PCDHA1: variants seen among roughly 807,000 people sequenced by gnomAD.
PCDHA1 encodes protocadherin alpha-1.
In PCDHA1, 42 loss-of-function variants were observed where a neutral mutation model predicts 61.3. The observed-to-expected ratio is 0.69, with a 90% confidence interval of 0.54 to 0.89. PCDHA1 has a LOEUF of 0.89. Ranked by LOEUF, PCDHA1 falls within the 40% of genes least tolerant of loss-of-function variation. The pLI, the probability that PCDHA1 is intolerant of heterozygous loss-of-function variation, is 0.00. For missense variants in PCDHA1, 1,256 were observed against 1,235.3 expected (o/e 1.02, Z -0.25); for synonymous variants, 610 against 553.8 (o/e 1.10, Z -1.43).
intron 1 of PCDHA1, chr5:140,857,767 C>T: frequency 6.3e-7 from 1 of 1,597,458 alleles, no homozygotes; most frequent in Non-Finnish European, 8.6e-7. Context: ...GCAGCGCGGG[C>T]GGTGCAGTCA....
chr5:140,871,489 G>C (rs782277615), intron 1 of PCDHA1: 1 of 1,590,138 alleles, frequency 6.3e-7, no homozygotes, highest in Non-Finnish European at 8.6e-7. Context: ...AAATCACCCC[G>C]GACAGGTGAG....
intron 1 of PCDHA1, among the ~76,000 whole-genome samples, chr5:140,908,451 A>T (rs2073980523): frequency 6.6e-6 from 1 of 152,170 alleles, no homozygotes; most frequent in African/African-American, 2.4e-5. Context: ...TTATGGCTAG[A>T]TGGATCAGAA....
chr5:140,786,265 C>CATA lies in PCDHA1; in HGVS notation c.-24_-22dup. The stretch of plus-strand genomic sequence containing the variant: ...GCATGATTTTGAAGTAAGAGGAGAG[C>CATA]ATAAGAAAGGTGTAGTCCTTTTGCA... On this transcript the variant is annotated 5_prime_UTR_variant, in exon 1 of 4. Transcript: ENST00000504120. 1 of 1,557,802 alleles carries CATA rather than the reference C, an allele frequency of 6.4e-7. No homozygotes were observed. Among genetic ancestry groups the CATA allele is most frequent in the Non-Finnish European group, 8.7e-7 (1 of 1,154,836 alleles).
At chr5:140,886,545 C>T (rs894582397) in intron 1 of PCDHA1, among the ~76,000 whole-genome samples, 5 of 151,964 alleles carry the variant, frequency 3.3e-5, no homozygotes, top group Non-Finnish European at 7.4e-5. Flanking sequence ...AAGGTCTTCC[C>T]AGCTGGGCAC....
chr5:140,849,469 A>T, intron 1 of PCDHA1: 1 of 1,589,622 alleles, frequency 6.3e-7, no homozygotes. Context: ...GCTGTCGATA[A>T]AGGCTTCCCA....
intron 3 of PCDHA1, among the ~76,000 whole-genome samples, chr5:141,007,365 A>G (rs1027558453): frequency 6.7e-6 from 1 of 149,886 alleles, no homozygotes; most frequent in African/African-American, 2.5e-5. Context: ...AGCCTGGGCA[A>G]CATGATGGAA....
chr5:140,989,727 A>G (rs1203211477), intron 3 of PCDHA1, among the ~76,000 whole-genome samples: 2 of 152,308 alleles, frequency 1.3e-5, no homozygotes, highest in East Asian at 3.9e-4. Flanking sequence ...TTTGCAGTTG[A>G]AAAGGCCATT....
chr5:140,988,500 C>T (rs1340106461), intron 3 of PCDHA1, among the ~76,000 whole-genome samples: 1 of 152,116 alleles, frequency 6.6e-6, no homozygotes, highest in Non-Finnish European at 1.5e-5. Flanking sequence ...TAGGAGAAGC[C>T]ATGAAGCTTA....
chr5:140,986,792 A>C (rs575794573), intron 3 of PCDHA1, among the ~76,000 whole-genome samples: 1 of 152,220 alleles, frequency 6.6e-6, no homozygotes, highest in Non-Finnish European at 1.5e-5. Context: ...CCACTAAGGC[A>C]GTGAGTCTTA....
At chr5:140,844,316 A>C (rs1554140608) in intron 1 of PCDHA1, among the ~76,000 whole-genome samples, 1 of 149,428 alleles carries the variant, frequency 6.7e-6, no homozygotes, top group Non-Finnish European at 1.5e-5. Flanking sequence ...ATTCTTCCTA[A>C]TTTTATTATA....
chr5:140,835,529 C>T (rs2150237591), intron 1 of PCDHA1: 1 of 1,613,966 alleles, frequency 6.2e-7, no homozygotes, highest in East Asian at 2.2e-5. Context: ...TTGGAGTCAA[C>T]GGACAGGTTA....
In PCDHA1 at chr5:141,010,257, G is replaced by T; in HGVS notation, c.*320G>T. On this transcript the variant is annotated 3_prime_UTR_variant, in exon 4 of 4. Coordinates refer to ENST00000504120, the MANE Select transcript of PCDHA1 (RefSeq NM_018900.4). ...AGTGAGAGGTTGGACTCTCTGCCCT[G>T]TGCTCCGGGGATCCTGTCTTGATGA... 6.4e-7 allele frequency: 1 copy of T among 1,551,794 alleles called. No homozygotes were observed. The highest frequency in any genetic ancestry group is 8.7e-7 in the Non-Finnish European group (1 of 1,147,016).
At chr5:140,864,331 T>C (rs2048422342) in intron 1 of PCDHA1, 1 of 152,248 alleles carries the variant, frequency 6.6e-6, no homozygotes, top group Admixed American at 6.5e-5. Flanking sequence ...CATAATTATT[T>C]GAGTTTAAAA....
rs1554117394 is a variant in PCDHA1, at chr5:140,786,449, A to G, written c.159A>G (p.Gly53=). 6.2e-7 allele frequency: 1 copy of G among 1,613,490 alleles called. No homozygotes were observed. The highest frequency in any genetic ancestry group is 1.7e-5 in the Admixed American group (1 of 60,022). The stretch of plus-strand genomic sequence containing the variant: ...TTGGCCGCGTTGCTCAGGACCTGGG[A>G]CTGGAGCTGGCGGAGCTGGTGCCTC... ...TFVGRVAQDL[G]LELAELVPRL... The change falls in exon 1 of 4, where the codon GGA becomes GGG. Residue 53 remains glycine (G), a synonymous_variant. Transcript: ENST00000504120.
chr5:140,836,597 T>A (rs2150265046), intron 1 of PCDHA1: 1 of 1,613,676 alleles, frequency 6.2e-7, no homozygotes, highest in Admixed American at 1.7e-5. Flanking sequence ...TAAAGCCCAC[T>A]CTGGTGTGCT....
At chr5:140,829,891 C>T (rs1554132360) in intron 1 of PCDHA1, 6 of 1,613,952 alleles carry the variant, frequency 3.7e-6, no homozygotes, top group Admixed American at 1.7e-5. Flanking sequence ...TTGACGCCGA[C>T]TCAGGCTACA....
chr5:140,882,299 C>T (rs781797969), intron 1 of PCDHA1: 33 of 1,613,690 alleles, frequency 2.0e-5, no homozygotes, highest in Non-Finnish European at 2.7e-5. Flanking sequence ...AGGCCCAAGA[C>T]CGCGGCAACT....
At chr5:140,956,958 A>C (rs970237928) in intron 1 of PCDHA1, among the ~76,000 whole-genome samples, 4 of 134,798 alleles carry the variant, frequency 3.0e-5, no homozygotes, top group Non-Finnish European at 6.6e-5. Context: ...AAACACTGTA[A>C]TTAATCAGTC....
At position 140,796,354 on chromosome 5, in the gene PCDHA1, G is replaced by T. The variant is rs574219981; in HGVS notation, c.2394+7670G>T. The T allele has an allele frequency of 3.7e-6, 6 of 1,613,956 alleles. No individual in the cohort carries two copies. The African/African-American group carries it at 4.0e-5, about 11-fold the overall frequency. ...CGCACAGCCTGAGTACACAGTATTC[G>T]TGAAGGAGAACAACCCGCCGGGCTG... On this transcript the variant is annotated intron_variant, in intron 1 of 3. Coordinates refer to ENST00000504120, the MANE Select transcript of PCDHA1 (RefSeq NM_018900.4).
Sources: allele counts gnomAD v4.1 joint callset (sites outside exome capture counted in the v4.1 genomes callset), GRCh38; gene constraint gnomAD v4.1.1; transcripts MANE v1.5; gene names NCBI Gene and HGNC (gene_info 2026-07-23, HGNC 2026-07-21).